The following MDM1 variants were observed in gnomAD, a reference collection of about 807,000 sequenced individuals.
MDM1 encodes stabilizer of axonemal microtubules 6.
A neutral mutation model predicts 89.1 loss-of-function variants in MDM1; 61 were observed. The observed-to-expected ratio is 0.68, with a 90% CI of 0.56 to 0.85. The LOEUF (loss-of-function observed/expected upper bound fraction) is 0.85, where lower values mean the gene tolerates loss of function less well. Ranked by LOEUF, MDM1 falls within the 40% of genes least tolerant of loss-of-function variation. MDM1 has a pLI of 0.00. For missense variants in MDM1, 820 were observed against 846.5 expected, an observed-to-expected ratio of 0.97 and a Z score of 0.39; for synonymous variants, 290 against 294.1, an observed-to-expected ratio of 0.99 and a Z score of 0.14.
chr12:68,326,557 A>C, intron 3 of MDM1, 100 bp downstream of exon 3: 1 of 1,611,548 alleles, frequency 6.2e-7, no homozygotes, highest in Non-Finnish European at 8.5e-7. Flanking sequence ...GAAAACAACA[A>C]TGGAAAATTC....
intron 12 of MDM1, among the ~76,000 whole-genome samples, chr12:68,311,913 G>A (rs1051173556): frequency 1.3e-5 from 2 of 152,086 alleles, no homozygotes; most frequent in African/African-American, 2.4e-5. Context: ...CCTCCACGTT[G>A]CTAAATCTGA....
At chr12:68,329,666 T>C (rs562748994) in intron 2 of MDM1, among the ~76,000 whole-genome samples, 163 of 152,270 alleles carry the variant, frequency 1.1e-3, no homozygotes, top group Non-Finnish European at 2.1e-3. Flanking sequence ...CAAGAAGCAA[T>C]AGAATGTTCC....
In MDM1 at chr12:68,326,842, C is replaced by T. The variant is rs745473547; in HGVS notation, c.313G>A (p.Glu105Lys). The T allele has an allele frequency of 1.9e-6, 3 of 1,613,942 alleles. No individual in the cohort carries two copies. The highest frequency in any genetic ancestry group is 2.5e-6 in the Non-Finnish European group (3 of 1,179,890). ...QEAEQKDVTQ[E>K]RVHSLEASRV... ...GAAGCTTCTAGTGAGTGAACTCTTT[C>T]TTGAGTAACATCCTTTTGTTCTGCT... The change falls in exon 3 of 15, where the codon GAA becomes AAA. Residue 105 changes from glutamate (E) to lysine (K), a missense_variant. Glu to Lys is a moderately conservative substitution (Grantham distance 56). Transcript: ENST00000682720.
intron 12 of MDM1, 113 bp from the exon 13 acceptor site, chr12:68,302,985 A>ACACAAAG: frequency 3.1e-6 from 3 of 966,796 alleles, no homozygotes; most frequent in Non-Finnish European, 4.4e-6. Context: ...GAGAAATATG[A>ACACAAAG]GAGAATTTAT....
chr12:68,312,197 C>A (rs1024481879), intron 12 of MDM1, among the ~76,000 whole-genome samples: 20 of 152,150 alleles, frequency 1.3e-4, no homozygotes, highest in African/African-American at 4.8e-4. Flanking sequence ...AGCCTCAAAT[C>A]TGTACCTATA....
chr12:68,303,113 T>C (rs1872442484), intron 12 of MDM1, among the ~76,000 whole-genome samples: 1 of 152,144 alleles, frequency 6.6e-6, no homozygotes, highest in African/African-American at 2.4e-5. Flanking sequence ...ATACAACTTT[T>C]ATGACTGACA....
At chr12:68,295,756 A>G (rs1464846468) in intron 14 of MDM1, among the ~76,000 whole-genome samples, 1 of 152,234 alleles carries the variant, frequency 6.6e-6, no homozygotes, top group Non-Finnish European at 1.5e-5. Flanking sequence ...TTTTAAAAAC[A>G]AAATGCCATA....
intron 7 of MDM1, among the ~76,000 whole-genome samples, chr12:68,317,273 C>T (rs1039657243): frequency 1.3e-5 from 2 of 151,902 alleles, no homozygotes; most frequent in African/African-American, 2.4e-5. Context: ...AGTACAATTC[C>T]ACAATGTAAA....
intron 5 of MDM1, among the ~76,000 whole-genome samples, chr12:68,322,382 C>T (rs1875341394): frequency 3.3e-5 from 5 of 152,168 alleles, no homozygotes; most frequent in Non-Finnish European, 7.3e-5. Context: ...CCTGTAATCC[C>T]AGCACTTCAG....
chr12:68,311,715 C>T (rs755166823), intron 12 of MDM1, among the ~76,000 whole-genome samples: 4 of 152,138 alleles, frequency 2.6e-5, no homozygotes, highest in Non-Finnish European at 4.4e-5. Context: ...TTGTGTCTTC[C>T]ATCTTGTTCT....
intron 13 of MDM1, among the ~76,000 whole-genome samples, chr12:68,300,419 A>G (rs1871984126): frequency 6.6e-6 from 1 of 152,128 alleles, no homozygotes; most frequent in South Asian, 2.1e-4. Flanking sequence ...ACCACAAACC[A>G]AATATCTAAT....
chr12:68,313,480 T>C lies in MDM1; in HGVS notation c.1712A>G (p.Gln571Arg). ...APEQRKRMTS[Q>R]DCLETSKNDF... Reference sequence around the variant, plus strand: ...ATTCTTTGAAGTTTCTAAACAATCCTGAGAGGTCATTCTTTTCCTCTGTTC... The same window carrying C: ...ATTCTTTGAAGTTTCTAAACAATCCCGAGAGGTCATTCTTTTCCTCTGTTC... The change falls in exon 12 of 15, where the codon CAG (glutamine) becomes CGG (arginine). Residue 571 changes from glutamine to arginine, a missense_variant. Coordinates refer to ENST00000682720, the MANE Select transcript of MDM1 (RefSeq NM_001354969.2). The C allele has an allele frequency of 6.2e-7, 1 of 1,613,960 alleles. No individual in the cohort carries two copies. Among genetic ancestry groups the C allele is most frequent in the Non-Finnish European group, 8.5e-7 (1 of 1,179,792 alleles).
chr12:68,303,348 A>T (rs991393132), intron 12 of MDM1, among the ~76,000 whole-genome samples: 2 of 152,210 alleles, frequency 1.3e-5, no homozygotes, highest in African/African-American at 4.8e-5. Flanking sequence ...TTTTAAAAGC[A>T]CAATGATACC....
intron 12 of MDM1, among the ~76,000 whole-genome samples, chr12:68,312,777 TTCTCTC>T (rs1355625554): frequency 6.6e-6 from 1 of 151,188 alleles, no homozygotes; most frequent in Admixed American, 6.6e-5. Context: ...CTCCCTCTCA[TTCTCTC>T]TCTCTCTCTT....
chr12:68,303,863 T>A (rs950474172), intron 12 of MDM1, among the ~76,000 whole-genome samples: 1 of 152,240 alleles, frequency 6.6e-6, no homozygotes, highest in Admixed American at 6.5e-5. Context: ...TACCTTCTTT[T>A]TTAGTTTGGT....
At chr12:68,330,544 A>G (rs1260042996) in intron 2 of MDM1, among the ~76,000 whole-genome samples, 1 of 152,208 alleles carries the variant, frequency 6.6e-6, no homozygotes, top group Non-Finnish European at 1.5e-5. Context: ...CAGTAAATTT[A>G]CTTAATCTAA....
intron 14 of MDM1, among the ~76,000 whole-genome samples, chr12:68,296,026 C>T (rs1308867099): frequency 2.6e-5 from 4 of 152,088 alleles, no homozygotes; most frequent in Non-Finnish European, 4.4e-5. Flanking sequence ...CCTAAACCTG[C>T]TAAACGGAAA....
intron 7 of MDM1, 107 bp from the exon 8 acceptor site, chr12:68,316,717 C>T (rs1185841239): frequency 1.1e-6 from 1 of 884,716 alleles, no homozygotes; most frequent in East Asian, 2.7e-5. Flanking sequence ...ATCTACCAAA[C>T]TTGTCAATCA....
At chr12:68,301,364 A>ACCTCT in intron 13 of MDM1, among the ~76,000 whole-genome samples, 1 of 152,202 alleles carries the variant, frequency 6.6e-6, no homozygotes, top group African/African-American at 2.4e-5. Flanking sequence ...CAGGTATGAA[A>ACCTCT]AATCAAATAC....
Sources: allele counts gnomAD v4.1 joint callset (sites outside exome capture counted in the v4.1 genomes callset), GRCh38; gene constraint gnomAD v4.1.1; transcripts MANE v1.5; gene names NCBI Gene and HGNC (gene_info 2026-07-23, HGNC 2026-07-21).